The following KHDRBS2 variants were observed in gnomAD, a reference collection of about 807,000 sequenced individuals.
KHDRBS2 encodes KH domain-containing, RNA-binding, signal transduction-associated protein 2.
Under a neutral mutation model 44.3 loss-of-function variants are expected in KHDRBS2, and 26 were observed. The observed-to-expected ratio is 0.59, with a 90% CI of 0.43 to 0.81. KHDRBS2 has a LOEUF of 0.81. Among genes scored for constraint, KHDRBS2 ranks in the 40% least tolerant of loss-of-function variants. The probability of loss-of-function intolerance (pLI) is 0.00; values close to 1 mark genes in which losing one functional copy is unlikely to be tolerated. For missense variants in KHDRBS2, 476 were observed against 433.1 expected (o/e 1.10, Z -0.88); for synonymous variants, 194 against 151.1 (o/e 1.28, Z -2.08).
intron 6 of KHDRBS2, among the ~76,000 whole-genome samples, chr6:61,892,396 A>C (rs557242686): frequency 1.4e-3 from 210 of 152,300 alleles, no homozygotes; most frequent in African/African-American, 4.9e-3. Flanking sequence ...AATTGGAAAA[A>C]ACTACTTTAA....
chr6:61,873,504 A>G (rs1293330171), intron 6 of KHDRBS2, among the ~76,000 whole-genome samples: 1 of 152,018 alleles, frequency 6.6e-6, no homozygotes, highest in Non-Finnish European at 1.5e-5. Context: ...CAGTAATAAC[A>G]TACTAGGTAA....
intron 6 of KHDRBS2, among the ~76,000 whole-genome samples, chr6:61,821,032 T>C (rs941739937): frequency 2.0e-5 from 3 of 152,054 alleles, no homozygotes; most frequent in Non-Finnish European, 2.9e-5. Flanking sequence ...CGAATGACTA[T>C]GTAAGCTGAA....
At chr6:62,006,324 G>A (rs1013191644) in intron 3 of KHDRBS2, among the ~76,000 whole-genome samples, 1 of 151,922 alleles carries the variant, frequency 6.6e-6, no homozygotes, top group African/African-American at 2.4e-5. Context: ...AGTTATATAT[G>A]CAAAAATGAA....
chr6:61,936,263 A>T (rs912669571), intron 4 of KHDRBS2, among the ~76,000 whole-genome samples: 2 of 151,940 alleles, frequency 1.3e-5, no homozygotes, highest in Non-Finnish European at 2.9e-5. Flanking sequence ...ATTCCGTGTA[A>T]TAATTTGGGA....
chr6:61,566,816 T>C, the KHDRBS2 span, among the ~76,000 whole-genome samples: 4,819 of 152,214 alleles, frequency 0.032, 245 homozygotes, highest in African/African-American at 0.11. Flanking sequence ...GACACTCACT[T>C]CTTAGAGTAT....
intron 1 of KHDRBS2, among the ~76,000 whole-genome samples, chr6:62,221,968 A>C (rs1830975650): frequency 6.6e-6 from 1 of 152,182 alleles, no homozygotes; most frequent in Non-Finnish European, 1.5e-5. Flanking sequence ...ACTATAATAC[A>C]ATTAAGTCCT....
chr6:61,843,918 C>A (rs1793981969), intron 6 of KHDRBS2, among the ~76,000 whole-genome samples: 2 of 151,956 alleles, frequency 1.3e-5, no homozygotes, highest in South Asian at 4.2e-4. Flanking sequence ...TCGAATGAAC[C>A]CTTAATTCTA....
the KHDRBS2 span, among the ~76,000 whole-genome samples, chr6:61,590,615 C>T: frequency 1.3e-5 from 2 of 152,112 alleles, no homozygotes; most frequent in Non-Finnish European, 2.9e-5. Flanking sequence ...TTCTTTGAAA[C>T]ATTTAATATC....
intron 6 of KHDRBS2, among the ~76,000 whole-genome samples, chr6:61,893,912 A>G (rs1337446091): frequency 1.3e-5 from 2 of 150,526 alleles, no homozygotes. Context: ...AAAAAAAAAA[A>G]CATTTACAGA....
At chr6:61,675,232 A>C (rs1426190375), downstream of KHDRBS2, among the ~76,000 whole-genome samples, 1 of 151,806 alleles carries the variant, frequency 6.6e-6, no homozygotes, top group Non-Finnish European at 1.5e-5. Flanking sequence ...ATATATTTTC[A>C]TGTAAAGACC....
At chr6:62,183,632 T>C (rs1822815418) in intron 1 of KHDRBS2, among the ~76,000 whole-genome samples, 2 of 151,694 alleles carry the variant, frequency 1.3e-5, no homozygotes, top group South Asian at 2.1e-4. Flanking sequence ...ACTTCAAAAA[T>C]AATCTTTTGA....
chr6:61,817,063 G>A (rs1402660758), intron 6 of KHDRBS2: 4 of 403,810 alleles, frequency 9.9e-6, no homozygotes, highest in Non-Finnish European at 2.0e-5. Context: ...ATAATATTCA[G>A]GTTTTCTAAA....
chr6:61,812,868 G>A (rs1275196734), intron 6 of KHDRBS2, among the ~76,000 whole-genome samples: 1 of 151,844 alleles, frequency 6.6e-6, no homozygotes, highest in Non-Finnish European at 1.5e-5. Flanking sequence ...TTTCACATTT[G>A]TACCTTGGCC....
chr6:62,028,108 A>T (rs1302520390), intron 3 of KHDRBS2, among the ~76,000 whole-genome samples: 1 of 152,068 alleles, frequency 6.6e-6, no homozygotes, highest in African/African-American at 2.4e-5. Context: ...GGCAGTTAGT[A>T]TCAGAATTGA....
At chr6:61,891,756 T>C (rs1801886223) in intron 6 of KHDRBS2, among the ~76,000 whole-genome samples, 1 of 152,088 alleles carries the variant, frequency 6.6e-6, no homozygotes, top group South Asian at 2.1e-4. Context: ...TATCTCAAAA[T>C]AATAAGACCT....
At chr6:61,891,636 C>A (rs964652979) in intron 6 of KHDRBS2, among the ~76,000 whole-genome samples, 6 of 152,044 alleles carry the variant, frequency 3.9e-5, no homozygotes, top group Middle Eastern at 3.2e-3. Context: ...ATAAACAGAA[C>A]CAACGACAAA....
chr6:62,050,127 G>A (rs1351744368), intron 2 of KHDRBS2, among the ~76,000 whole-genome samples: 3 of 152,058 alleles, frequency 2.0e-5, no homozygotes, highest in Admixed American at 1.3e-4. Flanking sequence ...AAAAGGATGA[G>A]TTCATGCCCT....
At chr6:61,639,482 C>T in the KHDRBS2 span, among the ~76,000 whole-genome samples, 3 of 152,132 alleles carry the variant, frequency 2.0e-5, no homozygotes, top group East Asian at 5.8e-4. Flanking sequence ...AATCCAACCT[C>T]CTCTTGAATT....
At chr6:62,210,938 T>C (rs1828939323) in intron 1 of KHDRBS2, among the ~76,000 whole-genome samples, 1 of 152,168 alleles carries the variant, frequency 6.6e-6, no homozygotes, top group Non-Finnish European at 1.5e-5. Context: ...TCATTTATAA[T>C]AAATACTAAA....
Sources: gnomAD v4.1 joint callset for allele counts (sites outside exome capture counted in the v4.1 genomes callset) on GRCh38, gnomAD v4.1.1 for gene constraint, MANE v1.5 for transcripts, NCBI Gene and HGNC (gene_info 2026-07-23, HGNC 2026-07-21) for gene names.